The following C12orf42 variants were observed in gnomAD, a reference collection of about 807,000 sequenced individuals.
C12orf42 encodes uncharacterized protein C12orf42.
In C12orf42, 25 loss-of-function variants were observed where a neutral mutation model predicts 21.6. The ratio of observed to expected loss-of-function variants is 1.16; its 90% CI spans 0.84 to 1.62. The LOEUF is 1.62. Ranked by LOEUF, C12orf42 falls within the 40% of genes most tolerant of loss-of-function variation. C12orf42 has a pLI of 0.00. For synonymous variants in C12orf42, 174 were observed against 175.0 expected, an observed-to-expected ratio of 0.99 and a Z score of 0.05; for missense variants, 483 against 459.3, an observed-to-expected ratio of 1.05 and a Z score of -0.47.
chr12:103,424,554 C>T (rs1566296504), intron 2 of C12orf42, among the ~76,000 whole-genome samples: 1 of 152,166 alleles, frequency 6.6e-6, no homozygotes, highest in Non-Finnish European at 1.5e-5. Flanking sequence ...CAACACCTCA[C>T]CCGGGAAGTG....
chr12:103,285,782 T>TC (rs1236684938), intron 4 of C12orf42, among the ~76,000 whole-genome samples: 1 of 152,268 alleles, frequency 6.6e-6, no homozygotes, highest in Non-Finnish European at 1.5e-5. Flanking sequence ...ATTGTTTTAG[T>TC]CCCCCAAAAT....
At chr12:103,482,597 C>T (rs1041792477) in intron 1 of C12orf42, among the ~76,000 whole-genome samples, 3 of 151,838 alleles carry the variant, frequency 2.0e-5, no homozygotes, top group Non-Finnish European at 4.4e-5. Flanking sequence ...GTTTTTTATG[C>T]GTACTGTCTG....
At chr12:103,501,968 T>G in the C12orf42 span, among the ~76,000 whole-genome samples, 1 of 152,174 alleles carries the variant, frequency 6.6e-6, no homozygotes, top group Non-Finnish European at 1.5e-5. Flanking sequence ...TGCGCTACAT[T>G]GAAAGCAATA....
chr12:103,233,732 T>C (rs1225804950), downstream of C12orf42, among the ~76,000 whole-genome samples: 4 of 152,214 alleles, frequency 2.6e-5, no homozygotes, highest in Non-Finnish European at 4.4e-5. Context: ...CCAGGAACTT[T>C]ACAGATATTT....
chr12:103,206,520 T>TGA, the C12orf42 span, among the ~76,000 whole-genome samples: 1 of 94,982 alleles, frequency 1.1e-5, no homozygotes, highest in Non-Finnish European at 2.4e-5. Flanking sequence ...CTTTTCTATA[T>TGA]TACACACACA....
the C12orf42 span, among the ~76,000 whole-genome samples, chr12:103,131,620 A>G: frequency 6.6e-6 from 1 of 152,140 alleles, no homozygotes; most frequent in Admixed American, 6.5e-5. Flanking sequence ...TTTTTTCTCA[A>G]TAGAAATCAA....
chr12:103,381,185 A>G (rs1173068649), intron 3 of C12orf42, among the ~76,000 whole-genome samples: 1 of 152,212 alleles, frequency 6.6e-6, no homozygotes, highest in Non-Finnish European at 1.5e-5. Flanking sequence ...CATTGAGCAA[A>G]TCACTAAACT....
intron 5 of C12orf42, among the ~76,000 whole-genome samples, chr12:103,271,125 C>A (rs1454497512): frequency 6.6e-6 from 1 of 152,120 alleles, no homozygotes; most frequent in East Asian, 1.9e-4. Flanking sequence ...TGACTTTTTG[C>A]AAGCCACAGT....
At chr12:103,436,669 TGGTAAAGGGATCAATTTAA>T (rs1463022733) in intron 2 of C12orf42, among the ~76,000 whole-genome samples, 2 of 151,914 alleles carry the variant, frequency 1.3e-5, no homozygotes, top group Non-Finnish European at 2.9e-5. Context: ...CATTACATAA[TGGTAAAGGGATCAATTTAA>T]CAAGAAGAGC....
chr12:103,296,554 C>G (rs1264266804), intron 4 of C12orf42, among the ~76,000 whole-genome samples: 2 of 151,574 alleles, frequency 1.3e-5, no homozygotes, highest in South Asian at 2.1e-4. Context: ...GATCGCCATT[C>G]TAACTGGTGT....
chr12:103,481,596 C>T (rs1390505127), intron 1 of C12orf42, among the ~76,000 whole-genome samples: 1 of 151,636 alleles, frequency 6.6e-6, no homozygotes, highest in Non-Finnish European at 1.5e-5. Context: ...GAACTTTTAA[C>T]ATTTTTGTTC....
chr12:103,139,357 C>T, the C12orf42 span, among the ~76,000 whole-genome samples: 55 of 152,272 alleles, frequency 3.6e-4, no homozygotes, highest in Non-Finnish European at 6.3e-4. Flanking sequence ...CTTTTGATTT[C>T]ACCATTCATA....
At chr12:103,442,223 G>C (rs185103064) in intron 2 of C12orf42, among the ~76,000 whole-genome samples, 1 of 152,274 alleles carries the variant, frequency 6.6e-6, no homozygotes, top group Admixed American at 6.5e-5. Flanking sequence ...TATTTATAAT[G>C]AGATAATGTC....
chr12:103,157,738 A>G, the C12orf42 span, among the ~76,000 whole-genome samples: 8 of 152,076 alleles, frequency 5.3e-5, no homozygotes, highest in East Asian at 1.9e-4. Context: ...CCTTTCCCCA[A>G]TGCTTGTTTT....
At chr12:103,372,193 T>C (rs1319458275) in intron 3 of C12orf42, among the ~76,000 whole-genome samples, 1 of 152,122 alleles carries the variant, frequency 6.6e-6, no homozygotes, top group African/African-American at 2.4e-5. Flanking sequence ...TATTAGCATC[T>C]TCATCCACAT....
At chr12:103,553,532 CA>C in the C12orf42 span, among the ~76,000 whole-genome samples, 1 of 152,146 alleles carries the variant, frequency 6.6e-6, no homozygotes, top group Admixed American at 6.5e-5. Flanking sequence ...CCGTCTTCAC[CA>C]GCAACATTGT....
intron 2 of C12orf42, among the ~76,000 whole-genome samples, chr12:103,423,361 T>C (rs576734084): frequency 1.3e-5 from 2 of 152,358 alleles, no homozygotes; most frequent in African/African-American, 2.4e-5. Context: ...GATCAAGTTC[T>C]GGCCTGTTGT....
At chr12:103,242,360 A>C (rs538242169) in intron 10 of C12orf42, among the ~76,000 whole-genome samples, 1 of 152,298 alleles carries the variant, frequency 6.6e-6, no homozygotes, top group East Asian at 1.9e-4. Context: ...CTCAATTTTT[A>C]CAATGGAAAC....
chr12:103,239,969 A>G (rs1170038242), intron 10 of C12orf42, among the ~76,000 whole-genome samples: 1 of 152,104 alleles, frequency 6.6e-6, no homozygotes, highest in Non-Finnish European at 1.5e-5. Context: ...AGTAAACACC[A>G]CTCTGAAAAT....
Sources: allele counts gnomAD v4.1 joint callset (sites outside exome capture counted in the v4.1 genomes callset), GRCh38; gene constraint gnomAD v4.1.1; transcripts MANE v1.5; gene names NCBI Gene and HGNC (gene_info 2026-07-23, HGNC 2026-07-21).